The following KIAA1549L variants were observed in gnomAD, a reference collection of about 807,000 sequenced individuals.
The protein encoded by KIAA1549L is KIAA1549 like.
A neutral mutation model predicts 160.7 loss-of-function variants in KIAA1549L; 88 were observed. That is an observed-to-expected ratio of 0.55 (90% CI 0.46 to 0.65). KIAA1549L has a LOEUF of 0.65. Ranked by LOEUF, KIAA1549L falls within the 30% of genes least tolerant of loss-of-function variation. The pLI, the probability that KIAA1549L is intolerant of heterozygous loss-of-function variation, is 0.00. For missense variants in KIAA1549L, 2,258 were observed against 2,437.5 expected, an observed-to-expected ratio of 0.93 and a Z score of 1.55; for synonymous variants, 950 against 976.7, an observed-to-expected ratio of 0.97 and a Z score of 0.51.
chr11:33,663,115 G>A (rs1462116550), intron 20 of KIAA1549L, among the ~76,000 whole-genome samples: 1 of 152,214 alleles, frequency 6.6e-6, no homozygotes, highest in African/African-American at 2.4e-5. Context: ...TTGTCAGCTT[G>A]AAAAGGGTCC....
In KIAA1549L at chr11:33,543,588, C is replaced by T. The variant is rs78046896; in HGVS notation, c.2025C>T (p.Ser675=). The T allele has an allele frequency of 1.2e-3, 1,896 of 1,614,008 alleles. 19 individuals are homozygous for T. The African/African-American group carries it at 0.021, about 18-fold the overall frequency. Residue 675 remains serine, a synonymous_variant, in exon 2 of 21, where the codon TCC becomes TCT. Transcript: ENST00000658780. Reference sequence around the variant, plus strand: ...AACAGGTGAGAGCATCGCCCTCCTCCATGGATGTATATGATTCCTTAACAA... The same window carrying T: ...AACAGGTGAGAGCATCGCCCTCCTCTATGGATGTATATGATTCCTTAACAA... ...ASKQVRASPS[S]MDVYDSLTIG...
intron 18 of KIAA1549L, among the ~76,000 whole-genome samples, chr11:33,656,914 C>T (rs1364162073): frequency 6.6e-6 from 1 of 152,118 alleles, no homozygotes; most frequent in African/African-American, 2.4e-5. Context: ...AGCAGCAGAC[C>T]CTGACCTGCT....
intron 1 of KIAA1549L, among the ~76,000 whole-genome samples, chr11:33,406,080 A>G (rs566278226): frequency 6.6e-6 from 1 of 152,338 alleles, no homozygotes; most frequent in East Asian, 1.9e-4. Flanking sequence ...TCATTACTAC[A>G]ACAGTCAAAG....
intron 1 of KIAA1549L, among the ~76,000 whole-genome samples, chr11:33,492,969 T>A (rs1401318189): frequency 3.3e-5 from 5 of 151,988 alleles, no homozygotes; most frequent in African/African-American, 1.2e-4. Flanking sequence ...GTGTTTTCCT[T>A]TAGTGTGATT....
intron 10 of KIAA1549L, among the ~76,000 whole-genome samples, chr11:33,575,572 T>C (rs970016028): frequency 6.6e-6 from 1 of 152,158 alleles, no homozygotes; most frequent in African/African-American, 2.4e-5. Context: ...AAAAATGAAA[T>C]AACCTGCTCG....
At chr11:33,491,110 A>G (rs917961030) in intron 1 of KIAA1549L, among the ~76,000 whole-genome samples, 1 of 152,174 alleles carries the variant, frequency 6.6e-6, no homozygotes, top group Non-Finnish European at 1.5e-5. Context: ...ATGCTTGACA[A>G]TTTTATGTCT....
intron 1 of KIAA1549L, among the ~76,000 whole-genome samples, chr11:33,427,182 A>G (rs67425074): frequency 0.12 from 18,699 of 152,048 alleles, 1,405 homozygotes; most frequent in African/African-American, 0.21. Flanking sequence ...TCATCTGCCC[A>G]TTCTCTAGGG....
At chr11:33,488,587 C>T (rs1852583764) in intron 1 of KIAA1549L, among the ~76,000 whole-genome samples, 1 of 152,150 alleles carries the variant, frequency 6.6e-6, no homozygotes, top group Non-Finnish European at 1.5e-5. Flanking sequence ...GAGGTAGATT[C>T]TATCATAATC....
In KIAA1549L at chr11:33,670,865, A is replaced by T. The variant is rs1012719639; in HGVS notation, c.*2711A>T. On this transcript the variant is annotated 3_prime_UTR_variant, in exon 21 of 21. Transcript: ENST00000658780. ...GGAGGAGGAAGCAGAAGTACCACGAAGTGGAGTGACTGGCCCAGTGATTCA... is the reference window on the plus strand; with the variant it reads ...GGAGGAGGAAGCAGAAGTACCACGATGTGGAGTGACTGGCCCAGTGATTCA... The T allele has an allele frequency of 6.6e-6, 1 of 152,300 alleles. No individual in the cohort carries two copies. The highest frequency in any genetic ancestry group is 2.4e-5 in the African/African-American group (1 of 41,474). 9.4% of individuals were successfully genotyped at this position (152,300 alleles called of 1,614,324 possible). A position where few individuals can be genotyped will look rare whatever the true frequency, so the allele number is the denominator to read the frequency against.
chr11:33,668,598 A>C lies in KIAA1549L; in HGVS notation c.*444A>C, dbSNP rs1161705554. 1 of 177,378 alleles carries C rather than the reference A, an allele frequency of 5.6e-6. No individual in the cohort carries two copies. Among genetic ancestry groups the C allele is most frequent in the African/African-American group, 2.4e-5 (1 of 42,478 alleles). 11.0% of individuals were successfully genotyped at this position (177,378 alleles called of 1,614,324 possible). A position where few individuals can be genotyped will look rare whatever the true frequency, so the allele number is the denominator to read the frequency against. ...TGCAGGAGTGTGGATTAAGCACCAG[A>C]CTGTATTCTCATTCAACCATGACCG... On this transcript the variant is annotated 3_prime_UTR_variant, in exon 21 of 21. Transcript: ENST00000658780.
At chr11:33,608,023 C>T (rs1040051949) in intron 14 of KIAA1549L, among the ~76,000 whole-genome samples, 5 of 152,158 alleles carry the variant, frequency 3.3e-5, no homozygotes, top group African/African-American at 1.2e-4. Context: ...AGGTTGAGGT[C>T]CCCTGACTTC....
intron 1 of KIAA1549L, among the ~76,000 whole-genome samples, chr11:33,463,908 C>T (rs1851991303): frequency 6.6e-6 from 1 of 152,134 alleles, no homozygotes; most frequent in Non-Finnish European, 1.5e-5. Context: ...ATAGTTTTTC[C>T]CTCGTGCTGT....
chr11:33,483,799 C>T lies in KIAA1549L; in HGVS notation c.239-58003C>T, dbSNP rs147719279. ...ACCATGTAAGATGTGCCTTTTACCT[C>T]CCACCATGATTGTGAGGCTGCTCCA... is the stretch of plus-strand genomic sequence containing the variant. On this transcript the variant is annotated intron_variant, in intron 1 of 20. Coordinates refer to ENST00000658780, the MANE Select transcript of KIAA1549L (RefSeq NM_012194.3). Among the ~76,000 whole-genome samples, 726 of 152,298 alleles carry T rather than the reference C, an allele frequency of 4.8e-3. 6 individuals are homozygous for T. The highest frequency in any genetic ancestry group is 0.016 in the African/African-American group (670 of 41,556).
chr11:33,530,424 AAAAAAAAAAAAAATATATATATAT>A lies in KIAA1549L; in HGVS notation c.239-11376_239-11353del, dbSNP rs1296860585. On this transcript the variant is annotated intron_variant, in intron 1 of 20. Transcript: ENST00000658780. ...CTAAAGAAGAAGAAGGAAAAAAAAA[AAAAAAAAAAAAAATATATATATAT>A]ATATATATATATATATATATATATA... 2.0e-3 allele frequency among the ~76,000 whole-genome samples: 37 copies of A among 18,960 alleles called. 2 individuals carry two copies. Among genetic ancestry groups the A allele is most frequent in the African/African-American group, 1.2e-3 (6 of 5,012 alleles). The allele number at this position is 18,960 out of a possible 152,430, so 12.4% of individuals were successfully genotyped here.
chr11:33,579,847 G>A (rs960640354), intron 10 of KIAA1549L, among the ~76,000 whole-genome samples: 2 of 152,178 alleles, frequency 1.3e-5, no homozygotes, highest in Non-Finnish European at 2.9e-5. Flanking sequence ...TGATGAGGAC[G>A]AAGATAAGGC....
chr11:33,619,887 A>C (rs1053865372), intron 16 of KIAA1549L, among the ~76,000 whole-genome samples: 1 of 152,252 alleles, frequency 6.6e-6, no homozygotes, highest in Non-Finnish European at 1.5e-5. Context: ...AAAATCAGGC[A>C]TTGGAAGCTT....
chr11:33,672,367 C>CTGAT lies in KIAA1549L; in HGVS notation c.*4216_*4219dup, dbSNP rs1431881804. 2.0e-5 allele frequency: 3 copies of CTGAT among 152,272 alleles called. No individual in the cohort carries two copies. The highest frequency in any genetic ancestry group is 6.5e-5 in the Admixed American group (1 of 15,278). The allele number at this position is 152,272 out of a possible 1,614,324, so 9.4% of individuals were successfully genotyped here. ...ATGCCTAAGGCAAATTTTTGAGGAT[C>CTGAT]TGATTGGTTTAGTTCATCTGCCTAT... On this transcript the variant is annotated 3_prime_UTR_variant, in exon 21 of 21. Coordinates refer to ENST00000658780, the MANE Select transcript of KIAA1549L (RefSeq NM_012194.3).
intron 16 of KIAA1549L, among the ~76,000 whole-genome samples, chr11:33,639,970 A>G (rs1040086115): frequency 6.6e-6 from 1 of 152,256 alleles, no homozygotes; most frequent in Non-Finnish European, 1.5e-5. Context: ...TTAGAATGCT[A>G]TGAAATCCTT....
intron 3 of KIAA1549L, among the ~76,000 whole-genome samples, chr11:33,546,947 C>A (rs1032487271): frequency 2.6e-5 from 4 of 152,226 alleles, no homozygotes; most frequent in Non-Finnish European, 5.9e-5. Flanking sequence ...CTTTCTTTCC[C>A]TCTCTTTGAC....
Sources: allele counts gnomAD v4.1 joint callset (sites outside exome capture counted in the v4.1 genomes callset), GRCh38; gene constraint gnomAD v4.1.1; transcripts MANE v1.5; gene names NCBI Gene and HGNC (gene_info 2026-07-23, HGNC 2026-07-21).